Variants in NFIB observed in about 807,000 individuals in gnomAD.
NFIB encodes the protein nuclear factor I B.
A neutral mutation model predicts 61.5 loss-of-function variants in NFIB; 11 were observed. The observed-to-expected ratio is 0.18, with a 90% CI of 0.11 to 0.30. The LOEUF (loss-of-function observed/expected upper bound fraction) is 0.30, where lower values mean the gene tolerates loss of function less well. Among genes scored for constraint, NFIB ranks in the 10% least tolerant of loss-of-function variants. The pLI, the probability that NFIB is intolerant of heterozygous loss-of-function variation, is 1.00. For missense variants in NFIB, 471 were observed against 608.9 expected, an observed-to-expected ratio of 0.77 and a Z score of 2.38; for synonymous variants, 260 against 216.5, an observed-to-expected ratio of 1.20 and a Z score of -1.76.
intron 10 of NFIB, among the ~76,000 whole-genome samples, chr9:14,097,013 G>A (rs956322080): frequency 2.6e-5 from 4 of 152,070 alleles, no homozygotes; most frequent in South Asian, 4.2e-4. Context: ...GCAAAACTAC[G>A]ACAAATCCCA....
chr9:14,205,932 C>A lies in NFIB; in HGVS notation c.563-26152G>T, dbSNP rs558331035. ...TATTCTCCAGTAGTCACCTGAAAAA[C>A]ACACACACACACACACACACACACT... On this transcript the variant is annotated intron_variant, in intron 2 of 10. Coordinates refer to ENST00000380953, the MANE Select transcript of NFIB (RefSeq NM_001190737.2). Among the ~76,000 whole-genome samples, 339 of 101,310 alleles carry A rather than the reference C, an allele frequency of 3.3e-3. 2 individuals carry two copies. The highest frequency in any genetic ancestry group is 0.021 in the African/African-American group (294 of 13,838). The allele number at this position is 101,310 out of a possible 152,430, so 66.5% of individuals were successfully genotyped here. A position where few individuals can be genotyped will look rare whatever the true frequency, so the allele number is the denominator to read the frequency against.
At chr9:14,450,980 G>A in the NFIB span, among the ~76,000 whole-genome samples, 2 of 152,136 alleles carry the variant, frequency 1.3e-5, no homozygotes, top group African/African-American at 2.4e-5. Context: ...TTTCACAAAC[G>A]AGACTCACAG....
chr9:14,390,878 C>T (rs2133031137), intron 1 of NFIB, among the ~76,000 whole-genome samples: 1 of 152,266 alleles, frequency 6.6e-6, no homozygotes, highest in African/African-American at 2.4e-5. Flanking sequence ...GCCACCTAGT[C>T]TATGGTATTC....
intron 2 of NFIB, among the ~76,000 whole-genome samples, chr9:14,272,417 G>A (rs2057693798): frequency 6.6e-6 from 1 of 151,946 alleles, no homozygotes; most frequent in South Asian, 2.1e-4. Context: ...ATTATAACAT[G>A]ATATTTGCAT....
the NFIB span, among the ~76,000 whole-genome samples, chr9:14,454,843 G>A: frequency 6.6e-6 from 1 of 152,182 alleles, no homozygotes; most frequent in Admixed American, 6.5e-5. Flanking sequence ...CTGAGCAGAA[G>A]CTTTAAAGGT....
At chr9:14,511,487 A>AT in the NFIB span, among the ~76,000 whole-genome samples, 5,493 of 151,670 alleles carry the variant, frequency 0.036, 134 homozygotes, top group Non-Finnish European at 0.05. Context: ...GTTTCTGTAT[A>AT]TTTTGAAAAC....
chr9:14,398,087 C>T (rs1392458109), intron 1 of NFIB, among the ~76,000 whole-genome samples: 2 of 151,888 alleles, frequency 1.3e-5, no homozygotes, highest in Non-Finnish European at 2.9e-5. Flanking sequence ...CCAAAGGCTG[C>T]TTATTGATTT....
chr9:14,204,328 G>A (rs933285278), intron 2 of NFIB: 3 of 743,526 alleles, frequency 4.0e-6, no homozygotes, highest in African/African-American at 1.7e-5. Context: ...CCAAGAAAGT[G>A]GTCAACCCCC....
At chr9:14,524,626 G>A in the NFIB span, among the ~76,000 whole-genome samples, 3 of 152,162 alleles carry the variant, frequency 2.0e-5, no homozygotes, top group East Asian at 1.9e-4. Flanking sequence ...TACAAAAAGA[G>A]GTGGTAGATA....
the NFIB span, among the ~76,000 whole-genome samples, chr9:14,461,485 AGTC>A: frequency 6.6e-6 from 1 of 152,182 alleles, no homozygotes; most frequent in Non-Finnish European, 1.5e-5. Flanking sequence ...AGCAGGCAGG[AGTC>A]CTTCTGGCTC....
intron 2 of NFIB, among the ~76,000 whole-genome samples, chr9:14,199,431 A>C (rs879795580): frequency 4.6e-5 from 7 of 152,238 alleles, no homozygotes; most frequent in Admixed American, 4.6e-4. Flanking sequence ...TAGATGCCTG[A>C]TAAAGTTAAA....
chr9:14,496,986 A>G, the NFIB span, among the ~76,000 whole-genome samples: 56 of 152,336 alleles, frequency 3.7e-4, no homozygotes, highest in African/African-American at 1.3e-3. Flanking sequence ...GTAGTCTTTT[A>G]GGAACAAACC....
intron 1 of NFIB, among the ~76,000 whole-genome samples, chr9:14,392,495 A>T (rs749023951): frequency 6.6e-6 from 1 of 152,240 alleles, no homozygotes; most frequent in Admixed American, 6.5e-5. Flanking sequence ...TGGGAGGCCA[A>T]GGCTGATGGA....
At chr9:14,294,551 C>T (rs2059300471) in intron 2 of NFIB, among the ~76,000 whole-genome samples, 2 of 152,064 alleles carry the variant, frequency 1.3e-5, no homozygotes, top group South Asian at 2.1e-4. Flanking sequence ...TTTGTGTATC[C>T]CATGAACAGA....
At chr9:14,441,680 G>C in the NFIB span, among the ~76,000 whole-genome samples, 3 of 151,934 alleles carry the variant, frequency 2.0e-5, no homozygotes, top group Admixed American at 2.0e-4. Context: ...GGTCAAGATG[G>C]GCTTGACCTC....
At chr9:14,485,770 G>A in the NFIB span, among the ~76,000 whole-genome samples, 1 of 152,230 alleles carries the variant, frequency 6.6e-6, no homozygotes, top group East Asian at 1.9e-4. Flanking sequence ...AGCTACTCAG[G>A]AGGCTGAGGC....
intron 2 of NFIB, among the ~76,000 whole-genome samples, chr9:14,289,271 T>G (rs72700514): frequency 0.084 from 12,620 of 150,678 alleles, 802 homozygotes; most frequent in East Asian, 0.28. Context: ...CATATACATG[T>G]ACATACATTA....
At chr9:14,278,869 C>T (rs1325455643) in intron 2 of NFIB, among the ~76,000 whole-genome samples, 3 of 152,094 alleles carry the variant, frequency 2.0e-5, no homozygotes, top group African/African-American at 7.2e-5. Flanking sequence ...TACAGGCATA[C>T]TGAGGGGAAA....
At chr9:14,519,356 T>G in the NFIB span, among the ~76,000 whole-genome samples, 1 of 152,136 alleles carries the variant, frequency 6.6e-6, no homozygotes, top group Admixed American at 6.5e-5. Flanking sequence ...AAAATGAAAT[T>G]AATGACATAA....
Sources: gnomAD v4.1 joint callset for allele counts (sites outside exome capture counted in the v4.1 genomes callset) on GRCh38, gnomAD v4.1.1 for gene constraint, MANE v1.5 for transcripts, NCBI Gene and HGNC (gene_info 2026-07-23, HGNC 2026-07-21) for gene names.